The following MGAM2 variants were observed in gnomAD, a reference collection of about 807,000 sequenced individuals.
The protein encoded by MGAM2 is maltase-glucoamylase 2 (putative), also known as probable maltase-glucoamylase 2.
MGAM2 carries 98 observed loss-of-function variants against 96.1 expected under a neutral mutation model. The observed-to-expected ratio is 1.02, with a 90% CI of 0.87 to 1.21. The LOEUF is 1.21. Among genes scored for constraint, MGAM2 ranks in the 50% most tolerant of loss-of-function variants. The pLI, the probability that MGAM2 is intolerant of heterozygous loss-of-function variation, is 0.00. For synonymous variants in MGAM2, 749 were observed against 414.8 expected, an observed-to-expected ratio of 1.81 and a Z score of -9.79; for missense variants, 2,055 against 1,182.4, an observed-to-expected ratio of 1.74 and a Z score of -10.82.
In MGAM2 at chr7:142,189,494, A is replaced by G. The variant is rs1796803323; in HGVS notation, c.4335A>G (p.Arg1445=). 1.2e-6 allele frequency: 1 copy of G among 847,372 alleles called. No individual in the cohort carries two copies. Among genetic ancestry groups the G allele is most frequent in the Non-Finnish European group, 1.9e-6 (1 of 514,150 alleles). The allele number at this position is 847,372 out of a possible 1,614,324, so 52.5% of individuals were successfully genotyped here. A position where few individuals can be genotyped will look rare whatever the true frequency, so the allele number is the denominator to read the frequency against. ...VHNLYGWSQT[R]PTYEAVQEVT... ...ACCTGTACGGGTGGTCCCAGACCAG[A>G]CCCACATACGAGTGAGTGTCTTTTT... The change falls in exon 37 of 48, where the codon AGA becomes AGG. Residue 1445 remains arginine, a synonymous_variant. Transcript: ENST00000477922.
intron 30 of MGAM2, 27 bp downstream of exon 30, chr7:142,172,791 T>C (rs1045699025): frequency 1.5e-6 from 1 of 679,002 alleles, no homozygotes; most frequent in African/African-American, 1.8e-5. Flanking sequence ...TCCATCAATA[T>C]ATTGTCAAAT....
intron 1 of MGAM2, among the ~76,000 whole-genome samples, chr7:142,115,072 C>A (rs1029648746): frequency 2.0e-5 from 3 of 152,084 alleles, no homozygotes; most frequent in Admixed American, 2.0e-4. Context: ...AAAAAGTTAG[C>A]CACACGTAGT....
chr7:142,159,928 G>A (rs1563266880), intron 20 of MGAM2, among the ~76,000 whole-genome samples: 1 of 152,160 alleles, frequency 6.6e-6, no homozygotes, highest in Non-Finnish European at 1.5e-5. Flanking sequence ...TGGAATGACA[G>A]CTTGATGTAA....
intron 4 of MGAM2, 95 bp downstream of exon 4, chr7:142,131,166 G>A (rs1203710813): frequency 7.6e-6 from 5 of 655,188 alleles, no homozygotes; most frequent in Non-Finnish European, 1.4e-5. Flanking sequence ...TCAGGCAGGC[G>A]TGGTGGCTCA....
At chr7:142,177,728 C>T (rs561661852) in intron 32 of MGAM2, among the ~76,000 whole-genome samples, 41 of 152,264 alleles carry the variant, frequency 2.7e-4, no homozygotes, top group Admixed American at 1.4e-3. Context: ...GTGTATTATT[C>T]CATGATATAT....
chr7:142,187,629 T>C (rs1415675080), intron 35 of MGAM2, 121 bp from the exon 36 acceptor site: 2 of 594,076 alleles, frequency 3.4e-6, no homozygotes, highest in East Asian at 2.8e-5. Context: ...TTAAACACAG[T>C]GAACTAAACC....
At chr7:142,216,041 T>C (rs544107344) in intron 46 of MGAM2, among the ~76,000 whole-genome samples, 23 of 152,280 alleles carry the variant, frequency 1.5e-4, no homozygotes, top group African/African-American at 5.3e-4. Context: ...TTTTAACACA[T>C]GTATCAGATG....
intron 3 of MGAM2, among the ~76,000 whole-genome samples, chr7:142,125,843 T>A (rs1217248691): frequency 6.6e-6 from 1 of 152,040 alleles, no homozygotes; most frequent in Non-Finnish European, 1.5e-5. Context: ...CTGAACACAG[T>A]CCTTTAACAG....
chr7:142,155,324 A>G (rs1027408412), intron 17 of MGAM2, among the ~76,000 whole-genome samples: 3 of 152,180 alleles, frequency 2.0e-5, no homozygotes, highest in African/African-American at 7.2e-5. Flanking sequence ...CTCATGACTC[A>G]TTCCACCTTT....
At chr7:142,149,993 G>A (rs1039389815) in intron 15 of MGAM2, among the ~76,000 whole-genome samples, 1 of 151,494 alleles carries the variant, frequency 6.6e-6, no homozygotes, top group Non-Finnish European at 1.5e-5. Context: ...CCAGGCTGGA[G>A]TGCAATGGCG....
At chr7:142,153,992 A>T (rs948599655) in intron 15 of MGAM2, 26 bp from the exon 16 acceptor site, 4 of 578,778 alleles carry the variant, frequency 6.9e-6, no homozygotes, top group African/African-American at 3.6e-5. Context: ...CCCACCTCAC[A>T]CTCCACTGGA....
At chr7:142,194,688 A>G (rs12703443) in intron 37 of MGAM2, among the ~76,000 whole-genome samples, 55,030 of 111,946 alleles carry the variant, frequency 0.49, 10,471 homozygotes, top group Admixed American at 0.6. Flanking sequence ...TTAATAGAAC[A>G]TGTGTGTATG....
intron 33 of MGAM2, among the ~76,000 whole-genome samples, chr7:142,183,760 C>T (rs1056749663): frequency 3.9e-5 from 6 of 152,028 alleles, no homozygotes; most frequent in African/African-American, 1.4e-4. Context: ...TCATTAAGTC[C>T]TATAGATTCT....
chr7:142,178,420 AATT>A (rs1796440576), intron 32 of MGAM2, among the ~76,000 whole-genome samples: 1 of 152,162 alleles, frequency 6.6e-6, no homozygotes, highest in Non-Finnish European at 1.5e-5. Context: ...CTTTGCCATG[AATT>A]ATTTGCTAAG....
intron 1 of MGAM2, among the ~76,000 whole-genome samples, chr7:142,115,338 G>A (rs1455907615): frequency 1.3e-5 from 2 of 152,244 alleles, no homozygotes; most frequent in Non-Finnish European, 1.5e-5. Context: ...CTTGAGTTAC[G>A]TGCGGCAGCA....
Position 142,129,369 on chromosome 7 carries a change from C to A in MGAM2, c.187-1579C>A, listed in dbSNP as rs948734854. Among the ~76,000 whole-genome samples the A allele has an allele frequency of 2.0e-5, 3 of 152,072 alleles. No homozygotes were observed. In the South Asian group the frequency reaches 6.2e-4, roughly 32 times the overall value. On this transcript the variant is annotated intron_variant, in intron 3 of 47. Transcript: ENST00000477922. ...GGATTAATGCTGGAATGAGTTAAAA[C>A]TTTAAGGGACTATTGGAAGGGCATG...
chr7:142,208,693 C>G, intron 46 of MGAM2, 71 bp downstream of exon 46: 1 of 674,826 alleles, frequency 1.5e-6, no homozygotes, highest in South Asian at 1.6e-5. Context: ...CAGTTAACTG[C>G]GTAAATGTAA....
chr7:142,215,571 A>G (rs962749904), intron 46 of MGAM2, among the ~76,000 whole-genome samples: 6 of 151,646 alleles, frequency 4.0e-5, no homozygotes, highest in Admixed American at 3.9e-4. Context: ...GACCAGCCTG[A>G]CCAACATGGA....
chr7:142,197,053 A>G (rs368393086), intron 40 of MGAM2, among the ~76,000 whole-genome samples: 5 of 152,290 alleles, frequency 3.3e-5, no homozygotes, highest in African/African-American at 1.2e-4. Flanking sequence ...ATAGTTCCAC[A>G]TGGGGCTAAA....
Sources: gnomAD v4.1 joint callset for allele counts (sites outside exome capture counted in the v4.1 genomes callset) on GRCh38, gnomAD v4.1.1 for gene constraint, MANE v1.5 for transcripts, NCBI Gene and HGNC (gene_info 2026-07-23, HGNC 2026-07-21) for gene names.